The following BCKDHB variants were observed in gnomAD, a reference collection of about 807,000 sequenced individuals.
BCKDHB encodes the protein 2-oxoisovalerate dehydrogenase subunit beta, mitochondrial.
A neutral mutation model predicts 48.5 loss-of-function variants in BCKDHB; 41 were observed. The observed-to-expected ratio is 0.85, with a 90% CI of 0.66 to 1.10. The LOEUF (loss-of-function observed/expected upper bound fraction) is 1.10. BCKDHB is among the 50% of genes least tolerant of loss of function. BCKDHB has a pLI of 0.00. For missense variants in BCKDHB, 496 were observed against 494.2 expected (o/e 1.00, Z -0.03); for synonymous variants, 201 against 174.8 (o/e 1.15, Z -1.18).
chr6:80,314,912 G>A (rs977667552), intron 9 of BCKDHB, among the ~76,000 whole-genome samples: 1 of 152,178 alleles, frequency 6.6e-6, no homozygotes, highest in Non-Finnish European at 1.5e-5. Flanking sequence ...GGCGGGACTC[G>A]CTGCTCATCC....
the BCKDHB span, among the ~76,000 whole-genome samples, chr6:80,424,929 G>A: frequency 2.6e-5 from 4 of 152,204 alleles, no homozygotes; most frequent in Admixed American, 2.6e-4. Flanking sequence ...GCTTGTCATA[G>A]TCTTTCTGGC....
At chr6:80,314,708 A>C (rs1768347816) in intron 9 of BCKDHB, among the ~76,000 whole-genome samples, 1 of 152,180 alleles carries the variant, frequency 6.6e-6, no homozygotes, top group Non-Finnish European at 1.5e-5. Flanking sequence ...TCGTCAAAAC[A>C]ACCAAGGTGG....
At chr6:80,381,957 A>G in the BCKDHB span, among the ~76,000 whole-genome samples, 3 of 152,078 alleles carry the variant, frequency 2.0e-5, no homozygotes, top group Admixed American at 2.0e-4. Context: ...AGTTTTCTAC[A>G]TGTCATTTGT....
the BCKDHB span, among the ~76,000 whole-genome samples, chr6:80,402,986 A>G: frequency 1.3e-5 from 2 of 151,782 alleles, no homozygotes; most frequent in Non-Finnish European, 3.0e-5. Context: ...TAACAGTATC[A>G]CACTGTTTTC....
At chr6:80,340,183 T>G (rs1035184975) in intron 9 of BCKDHB, among the ~76,000 whole-genome samples, 29 of 152,346 alleles carry the variant, frequency 1.9e-4, no homozygotes, top group Non-Finnish European at 3.2e-4. Context: ...TCACAGCGTC[T>G]TTTGGAAGAA....
At chr6:80,353,275 A>G in the BCKDHB span, among the ~76,000 whole-genome samples, 1 of 152,210 alleles carries the variant, frequency 6.6e-6, no homozygotes, top group African/African-American at 2.4e-5. Flanking sequence ...TTCATTGTGT[A>G]TATAATCACC....
chr6:80,141,891 A>G (rs1771234188), intron 3 of BCKDHB, among the ~76,000 whole-genome samples: 1 of 152,104 alleles, frequency 6.6e-6, no homozygotes, highest in Non-Finnish European at 1.5e-5. Context: ...TTAGTTTCCC[A>G]AACCTGATTC....
At chr6:80,430,622 A>ATTC in the BCKDHB span, among the ~76,000 whole-genome samples, 1 of 152,056 alleles carries the variant, frequency 6.6e-6, no homozygotes, top group African/African-American at 2.4e-5. Flanking sequence ...TGTTTATTGT[A>ATTC]TTCTGTGATG....
Position 80,342,574 on chromosome 6 carries a change from AAAAAAGAAAG to A in BCKDHB, c.1039-1089_1039-1080del, listed in dbSNP as rs1167617561. ...CATTTCTGAAAAAAAAAAAAAAAAAAAAAAAGAAAGGGAAGAAAGGGGAAGGAAGGGAAGG... is the reference window on the plus strand; with the variant it reads ...CATTTCTGAAAAAAAAAAAAAAAAAAGGAAGAAAGGGGAAGGAAGGGAAGG... On this transcript the variant is annotated intron_variant, in intron 9 of 9. Transcript: ENST00000320393. 1.0e-4 allele frequency among the ~76,000 whole-genome samples: 15 copies of A among 146,500 alleles called. 1 individual carries two copies. The highest frequency in any genetic ancestry group is 4.3e-4 in the South Asian group (2 of 4,692).
the BCKDHB span, among the ~76,000 whole-genome samples, chr6:80,411,590 T>A: frequency 4.5e-4 from 68 of 152,360 alleles, 2 homozygotes; most frequent in East Asian, 0.013. Flanking sequence ...ATAGAGGCAG[T>A]AGGCCTTGCT....
At chr6:80,374,658 A>G in the BCKDHB span, 1 of 462,306 alleles carries the variant, frequency 2.2e-6, no homozygotes, top group Admixed American at 3.4e-5. Flanking sequence ...CAATGTTATT[A>G]TTGAGATTTG....
At chr6:80,205,036 G>T (rs545899962) in intron 8 of BCKDHB, among the ~76,000 whole-genome samples, 13 of 152,198 alleles carry the variant, frequency 8.5e-5, no homozygotes, top group African/African-American at 3.1e-4. Context: ...TCATCCGGTT[G>T]TGACAGTGAA....
At chr6:80,258,212 G>A (rs1182777214) in intron 8 of BCKDHB, among the ~76,000 whole-genome samples, 1 of 152,160 alleles carries the variant, frequency 6.6e-6, no homozygotes, top group African/African-American at 2.4e-5. Flanking sequence ...ACAAGGCACT[G>A]TTTCTGCTGA....
intron 8 of BCKDHB, among the ~76,000 whole-genome samples, chr6:80,235,359 T>C (rs1776107326): frequency 6.6e-6 from 1 of 152,210 alleles, no homozygotes; most frequent in African/African-American, 2.4e-5. Flanking sequence ...CAAATATACT[T>C]GCTTCTTTTT....
chr6:80,456,673 A>G, the BCKDHB span, among the ~76,000 whole-genome samples: 1 of 152,170 alleles, frequency 6.6e-6, no homozygotes, highest in African/African-American at 2.4e-5. Context: ...AAGTGGCTCA[A>G]TGTACTGTAA....
intron 8 of BCKDHB, among the ~76,000 whole-genome samples, chr6:80,264,788 T>G (rs1777445279): frequency 6.6e-6 from 1 of 152,132 alleles, no homozygotes; most frequent in Admixed American, 6.6e-5. Flanking sequence ...CTGAAAAGAT[T>G]TTCTTTCCAA....
At chr6:80,119,284 A>C (rs1050054436) in intron 1 of BCKDHB, among the ~76,000 whole-genome samples, 5 of 152,066 alleles carry the variant, frequency 3.3e-5, no homozygotes, top group Non-Finnish European at 7.4e-5. Context: ...TGAGGGTTGA[A>C]ATCAATTTAT....
chr6:80,117,352 C>T (rs564437227), intron 1 of BCKDHB, among the ~76,000 whole-genome samples: 25 of 152,344 alleles, frequency 1.6e-4, no homozygotes, highest in Admixed American at 9.8e-4. Context: ...GTCTTTGCTT[C>T]CTCCCTACTA....
At position 80,153,395 on chromosome 6, in the gene BCKDHB, C is replaced by G. The variant is rs1324374383; in HGVS notation, c.344-14283C>G. 5.3e-5 allele frequency among the ~76,000 whole-genome samples: 8 copies of G among 152,206 alleles called. No individual in the cohort carries two copies. The South Asian group carries it at 8.3e-4, about 16-fold the overall frequency. On this transcript the variant is annotated intron_variant, in intron 3 of 9. Transcript: ENST00000320393. ...AGATAATGCTTATTGTTGAGTGATTCAAGGTACTGTAGACATCTTCCAGCT... is the reference window on the plus strand; with the variant it reads ...AGATAATGCTTATTGTTGAGTGATTGAAGGTACTGTAGACATCTTCCAGCT...
Sources: allele counts gnomAD v4.1 joint callset (sites outside exome capture counted in the v4.1 genomes callset), GRCh38; gene constraint gnomAD v4.1.1; transcripts MANE v1.5; gene names NCBI Gene and HGNC (gene_info 2026-07-23, HGNC 2026-07-21).